OAF: variants seen among roughly 807,000 people sequenced by gnomAD.
OAF encodes the protein out at first homolog, also known as out at first protein homolog.
Under a neutral mutation model 22.5 loss-of-function variants are expected in OAF, and 13 were observed. That is an observed-to-expected ratio of 0.58 (90% confidence interval 0.38 to 0.92). The LOEUF (loss-of-function observed/expected upper bound fraction) is 0.92. Ranked by LOEUF, OAF falls within the 40% of genes least tolerant of loss-of-function variation. The pLI is 0.00. For synonymous variants in OAF, 175 were observed against 170.5 expected (o/e 1.03, Z -0.21); for missense variants, 347 against 381.8 (o/e 0.91, Z 0.76).
chr11:120,227,141 G>A (rs946132692), intron 3 of OAF, 145 bp downstream of exon 3: 5 of 586,558 alleles, frequency 8.5e-6, no homozygotes, highest in African/African-American at 3.7e-5. Flanking sequence ...CTTTGTTCAG[G>A]AGACATTTAC....
At chr11:120,211,887 C>A (rs112413211) in intron 1 of OAF, among the ~76,000 whole-genome samples, 2,386 of 140,836 alleles carry the variant, frequency 0.017, 35 homozygotes, top group Non-Finnish European at 0.024. Flanking sequence ...CCTGTGTGAT[C>A]TAGAGCAAGC....
chr11:120,213,932 C>T (rs1051458464), intron 1 of OAF: 3 of 152,078 alleles, frequency 2.0e-5, no homozygotes, highest in African/African-American at 4.8e-5. Flanking sequence ...TAGCGGAGCA[C>T]GCTGGTGTGT....
rs35173532 is a variant in OAF, at chr11:120,228,089, CT to C, written c.548-767del. On this transcript the variant is annotated intron_variant, in intron 3 of 3. Transcript: ENST00000328965. ...TCTGCCTAGCCCTACTCAGATGTCA[CT>C]TTTTTTTTTTTGAGATAAAGTCTCA... 1.0e-3 allele frequency among the ~76,000 whole-genome samples: 150 copies of C among 146,834 alleles called. 4 individuals carry two copies. The South Asian group carries it at 0.024, about 24-fold the overall frequency.
intron 1 of OAF, among the ~76,000 whole-genome samples, chr11:120,212,892 C>T (rs1938170312): frequency 6.7e-6 from 1 of 148,856 alleles, no homozygotes; most frequent in South Asian, 2.3e-4. Context: ...CTCCGCAGGC[C>T]TAAGCTAGGC....
At chr11:120,223,113 G>A (rs943578619) in intron 1 of OAF, among the ~76,000 whole-genome samples, 3 of 152,194 alleles carry the variant, frequency 2.0e-5, no homozygotes, top group Non-Finnish European at 4.4e-5. Flanking sequence ...ATGGGGAGCG[G>A]GTCCTAATCC....
chr11:120,225,311 A>G (rs915141911), intron 1 of OAF, among the ~76,000 whole-genome samples: 18 of 151,906 alleles, frequency 1.2e-4, no homozygotes, highest in African/African-American at 4.3e-4. Flanking sequence ...TCGGTACTGG[A>G]AAAGTCCAGC....
At chr11:120,220,081 ACTAACTGC>A (rs1274508303) in intron 1 of OAF, among the ~76,000 whole-genome samples, 1 of 152,200 alleles carries the variant, frequency 6.6e-6, no homozygotes, top group Non-Finnish European at 1.5e-5. Flanking sequence ...GGCTTGGATG[ACTAACTGC>A]CTGGGCAGAA....
chr11:120,220,430 T>G (rs1043387871), intron 1 of OAF, among the ~76,000 whole-genome samples: 3 of 152,176 alleles, frequency 2.0e-5, no homozygotes, highest in Non-Finnish European at 4.4e-5. Flanking sequence ...CCTTATCAGA[T>G]GTTTATTGAG....
At chr11:120,218,453 C>G (rs376711432) in intron 1 of OAF, among the ~76,000 whole-genome samples, 289 of 152,310 alleles carry the variant, frequency 1.9e-3, no homozygotes, top group African/African-American at 6.1e-3. Flanking sequence ...GCAGGCTAAA[C>G]CCCCTCTCCC....
intron 1 of OAF, among the ~76,000 whole-genome samples, chr11:120,221,903 C>T (rs1362827494): frequency 6.6e-6 from 1 of 152,172 alleles, no homozygotes; most frequent in East Asian, 1.9e-4. Context: ...TATCCTGGGT[C>T]CTGAGCCTCA....
rs368628189 is a variant in OAF at position 120,229,146 on chromosome 11, G to A, written c.*4G>A. 3 of 1,606,704 alleles carry A rather than the reference G, an allele frequency of 1.9e-6. No individual in the cohort carries two copies. Among genetic ancestry groups the A allele is most frequent in the Non-Finnish European group, 2.6e-6 (3 of 1,174,936 alleles). On this transcript the variant is annotated 3_prime_UTR_variant, in exon 4 of 4. Coordinates refer to ENST00000328965, the MANE Select transcript of OAF (RefSeq NM_178507.4). The stretch of plus-strand genomic sequence containing the variant: ...TGAGGATCCCTACCCAGGCTAGGGT[G>A]GGAGCAACCTGGCGGGTGGCTGCTC...
intron 1 of OAF, among the ~76,000 whole-genome samples, chr11:120,212,264 G>GT (rs1938159604): frequency 1.4e-5 from 2 of 140,848 alleles, no homozygotes; most frequent in Non-Finnish European, 3.1e-5. Context: ...GTGGGTGGGT[G>GT]GGTGTGGGTG....
Position 120,229,142 on chromosome 11 carries a change from G to T in OAF, c.822G>T (p.Ter274TyrextTer27). 2 of 1,607,470 alleles carry T rather than the reference G, an allele frequency of 1.2e-6. No homozygotes were observed. Among genetic ancestry groups the T allele is most frequent in the Non-Finnish European group, 1.7e-6 (2 of 1,175,432 alleles). ...GGGATGAGGATCCCTACCCAGGCTA[G>T]GGTGGGAGCAACCTGGCGGGTGGCT... ...CLWDEDPYPG* is the reference protein window; with the variant it reads ...CLWDEDPYPGY The change falls in exon 4 of 4, where the codon TAG (stop) becomes TAT (tyrosine). Residue 274 changes from the stop codon to tyrosine, a stop_lost. Coordinates refer to ENST00000328965, the MANE Select transcript of OAF (RefSeq NM_178507.4).
At chr11:120,223,834 A>G (rs1938313838) in intron 1 of OAF, among the ~76,000 whole-genome samples, 1 of 152,156 alleles carries the variant, frequency 6.6e-6, no homozygotes, top group Non-Finnish European at 1.5e-5. Context: ...TGGTTTTTGG[A>G]TCCTTCCTGG....
At chr11:120,222,599 C>G (rs967641510) in intron 1 of OAF, among the ~76,000 whole-genome samples, 1 of 151,052 alleles carries the variant, frequency 6.6e-6, no homozygotes, top group Non-Finnish European at 1.5e-5. Flanking sequence ...AAGGAGAGAC[C>G]GGAGAATTTG....
At position 120,211,451 on chromosome 11, in the gene OAF, A is replaced by C. The variant is rs746646677; in HGVS notation, c.172A>C (p.Ser58Arg). 6.5e-7 allele frequency: 1 copy of C among 1,550,278 alleles called. No homozygotes were observed. The highest frequency in any genetic ancestry group is 8.7e-7 in the Non-Finnish European group (1 of 1,149,096). The change falls in exon 1 of 4, where the codon AGC (serine) becomes CGC (arginine). Residue 58 changes from serine (S) to arginine (R), a missense_variant. Ser to Arg is a moderately radical substitution (Grantham distance 110). Transcript: ENST00000328965. ...LQADSDADSI[S>R]LELRKPDGTL... ...GGCGGACAGCGACGCGGACAGCATC[A>C]GCCTCGAGCTGCGCAAGCCCGACGG...
chr11:120,211,399 C>A lies in OAF; in HGVS notation c.120C>A (p.Asp40Glu). ...AELRVRVRLP[D>E]GQVTEESLQA... ...TGCGGGTCCGCGTGCGGCTGCCGGA[C>A]GGCCAGGTGACCGAGGAGAGCCTGC... Residue 40 changes from aspartate to glutamate, a missense_variant, in exon 1 of 4, where the codon GAC becomes GAA. Asp to Glu is a conservative substitution (Grantham distance 45). Transcript: ENST00000328965. 6.7e-7 allele frequency: 1 copy of A among 1,497,984 alleles called. No homozygotes were observed. The highest frequency in any genetic ancestry group is 8.9e-7 in the Non-Finnish European group (1 of 1,119,772). 92.8% of individuals were successfully genotyped at this position (1,497,984 alleles called of 1,614,324 possible). A position where few individuals can be genotyped will look rare whatever the true frequency, so the allele number is the denominator to read the frequency against.
Position 120,211,331 on chromosome 11 carries a change from C to T in OAF, c.52C>T (p.Pro18Ser). The change falls in exon 1 of 4, where the codon CCG (proline) becomes TCG (serine). Residue 18 changes from proline to serine, a missense_variant. By Grantham distance (74) the Pro-to-Ser change is moderately conservative. Transcript: ENST00000328965. Reference sequence around the variant, plus strand: ...GCGCCCTGCGCTGCTGCTGCTGCTGCCGCTGCTCGCGCCGCTGCTGGGAAC... The same window carrying T: ...GCGCCCTGCGCTGCTGCTGCTGCTGTCGCTGCTCGCGCCGCTGCTGGGAAC... ...LARPALLLLL[P>S]LLAPLLGTGA... The T allele has an allele frequency of 7.1e-7, 1 of 1,402,190 alleles. No individual in the cohort carries two copies. The highest frequency in any genetic ancestry group is 9.3e-7 in the Non-Finnish European group (1 of 1,077,564). 86.9% of individuals were successfully genotyped at this position (1,402,190 alleles called of 1,614,324 possible). A position where few individuals can be genotyped will look rare whatever the true frequency, so the allele number is the denominator to read the frequency against.
In OAF at chr11:120,211,324, G is replaced by C. The variant is rs1357304444; in HGVS notation, c.45G>C (p.Leu15=). The C allele has an allele frequency of 7.2e-7, 1 of 1,393,682 alleles. No homozygotes were observed. The highest frequency in any genetic ancestry group is 3.1e-5 in the East Asian group (1 of 32,646). The allele number at this position is 1,393,682 out of a possible 1,614,324, so 86.3% of individuals were successfully genotyped here. The change falls in exon 1 of 4, where the codon CTG becomes CTC. Residue 15 remains leucine, a synonymous_variant. Coordinates refer to ENST00000328965, the MANE Select transcript of OAF (RefSeq NM_178507.4). ...GVPLARPALL[L]LLPLLAPLLG... is the part of the protein sequence containing the mutation. ...CCCTGGCGCGCCCTGCGCTGCTGCT[G>C]CTGCTGCCGCTGCTCGCGCCGCTGC... is the stretch of plus-strand genomic sequence containing the variant.
Sources: allele counts gnomAD v4.1 joint callset (sites outside exome capture counted in the v4.1 genomes callset), GRCh38; gene constraint gnomAD v4.1.1; transcripts MANE v1.5; gene names NCBI Gene and HGNC (gene_info 2026-07-23, HGNC 2026-07-21).